SIRT1: variants seen among roughly 807,000 people sequenced by gnomAD.
SIRT1 encodes NAD-dependent protein deacetylase sirtuin-1.
In SIRT1, 24 loss-of-function variants were observed where a neutral mutation model predicts 67.9. The observed-to-expected ratio is 0.35, with a 90% CI of 0.26 to 0.50. The LOEUF (loss-of-function observed/expected upper bound fraction) is 0.50, where lower values mean the gene tolerates loss of function less well. SIRT1 is among the 20% of genes least tolerant of loss of function. The pLI, the probability that SIRT1 is intolerant of heterozygous loss-of-function variation, is 0.98. For synonymous variants in SIRT1, 378 were observed against 350.7 expected (o/e 1.08, Z -0.87); for missense variants, 873 against 937.2 (o/e 0.93, Z 0.89).
chr10:67,916,804 A>ATTT lies in SIRT1; in HGVS notation c.*211_*212insTTT, dbSNP rs1554892497. ...CTCAACACTAACTTTTTTTTTTTTA[A>ATTT]AAAAAAAAAGGTACTAAGTATCTTC... On this transcript the variant is annotated 3_prime_UTR_variant, in exon 9 of 9. Coordinates refer to ENST00000212015, the MANE Select transcript of SIRT1 (RefSeq NM_012238.5). 1,590 of 281,758 alleles carry ATTT rather than the reference A, an allele frequency of 5.6e-3. 18 individuals are homozygous for ATTT. Among genetic ancestry groups the ATTT allele is most frequent in the Admixed American group, 9.0e-3 (178 of 19,798 alleles). The allele number at this position is 281,758 out of a possible 1,614,324, so 17.5% of individuals were successfully genotyped here.
chr10:67,899,371 C>T (rs1029026030), intron 4 of SIRT1, among the ~76,000 whole-genome samples: 3 of 150,710 alleles, frequency 2.0e-5, no homozygotes, highest in Admixed American at 6.6e-5. Flanking sequence ...TCTCTGATAC[C>T]CAGACGTGTG....
rs1434237025 is a variant in SIRT1, at chr10:67,896,018, G to A, written c.942+4464G>A. 3.3e-5 allele frequency among the ~76,000 whole-genome samples: 5 copies of A among 152,212 alleles called. No homozygotes were observed. In the East Asian group the frequency reaches 7.7e-4, roughly 24 times the overall value. On this transcript the variant is annotated intron_variant, in intron 4 of 8. Coordinates refer to ENST00000212015, the MANE Select transcript of SIRT1 (RefSeq NM_012238.5). ...AGGCCAAAGTGCTGGGATTACAGGC[G>A]TGAGTCTCCCACGCCCAGCCCTTAA...
rs1465739818 is a variant in SIRT1, at chr10:67,885,058, G to A, written c.337G>A (p.Glu113Lys). The A allele has an allele frequency of 7.0e-7, 1 of 1,432,910 alleles. No homozygotes were observed. The highest frequency in any genetic ancestry group is 9.2e-7 in the Non-Finnish European group (1 of 1,085,686). 88.8% of individuals were successfully genotyped at this position (1,432,910 alleles called of 1,614,324 possible). Residue 113 changes from glutamate (E) to lysine (K), a missense_variant, in exon 1 of 9, where the codon GAG becomes AAG. Physicochemically the swap from Glu to Lys is moderately conservative, Grantham distance 56. Transcript: ENST00000212015. ...GCCGGGCCTGCAGGGCCCATCTCGG[G>A]AGCCACCGCTGGCCGACAACTTGTA... ...NGPGLQGPSR[E>K]PPLADNLYDE...
At position 67,916,653 on chromosome 10, in the gene SIRT1, A is replaced by G. The variant is rs2029923186; in HGVS notation, c.*60A>G. 4.3e-6 allele frequency: 6 copies of G among 1,400,934 alleles called. No individual in the cohort carries two copies. The highest frequency in any genetic ancestry group is 4.1e-5 in the Admixed American group (2 of 48,906). The allele number at this position is 1,400,934 out of a possible 1,614,324, so 86.8% of individuals were successfully genotyped here. ...CAGCATTAGGAACTTTAGCATGTCAAAATGAATGTTTACTTGTGAACTCGA... is the reference window on the plus strand; with the variant it reads ...CAGCATTAGGAACTTTAGCATGTCAGAATGAATGTTTACTTGTGAACTCGA... On this transcript the variant is annotated 3_prime_UTR_variant, in exon 9 of 9. Coordinates refer to ENST00000212015, the MANE Select transcript of SIRT1 (RefSeq NM_012238.5).
In SIRT1 at chr10:67,909,251, T is replaced by C. The variant is rs750931950; in HGVS notation, c.1171-5T>C. The C allele has an allele frequency of 1.3e-5, 20 of 1,578,670 alleles. No individual in the cohort carries two copies. The highest frequency in any genetic ancestry group is 3.8e-5 in the Admixed American group (2 of 52,312). Reference sequence around the variant, plus strand: ...CTACCTCAACCAAAATCTGAAAATATGTAGGTAGTTCCTCGATGTCCTAGG... The same window carrying C: ...CTACCTCAACCAAAATCTGAAAATACGTAGGTAGTTCCTCGATGTCCTAGG... On this transcript the variant is annotated splice_region_variant and splice_polypyrimidine_tract_variant and intron_variant, in intron 6 of 8. Coordinates refer to ENST00000212015, the MANE Select transcript of SIRT1 (RefSeq NM_012238.5).
chr10:67,899,369 A>T (rs981440595), intron 4 of SIRT1, among the ~76,000 whole-genome samples: 5 of 151,468 alleles, frequency 3.3e-5, no homozygotes, highest in Non-Finnish European at 5.9e-5. Flanking sequence ...TGTCTCTGAT[A>T]CCCAGACGTG....
chr10:67,912,365 A>G (rs1187165088), intron 7 of SIRT1, 109 bp from the exon 8 acceptor site: 5 of 980,756 alleles, frequency 5.1e-6, no homozygotes, highest in Non-Finnish European at 7.5e-6. Context: ...CTTTTTTGGG[A>G]ATTTGGAGCT....
At chr10:67,888,556 G>A (rs746898562) in intron 2 of SIRT1, among the ~76,000 whole-genome samples, 4 of 152,130 alleles carry the variant, frequency 2.6e-5, no homozygotes, top group South Asian at 4.1e-4. Context: ...TTTCTATGTC[G>A]TAGAACCCTT....
chr10:67,904,825 A>G (rs1219117543), intron 4 of SIRT1, among the ~76,000 whole-genome samples: 1 of 147,454 alleles, frequency 6.8e-6, no homozygotes, highest in Non-Finnish European at 1.5e-5. Flanking sequence ...GCCTGGGCAA[A>G]AAGAGCGAAA....
rs1478441538 is a variant in SIRT1 at position 67,895,095 on chromosome 10, T to G, written c.942+3541T>G. Among the ~76,000 whole-genome samples the G allele has an allele frequency of 2.6e-5, 4 of 152,098 alleles. No homozygotes were observed. In the East Asian group the frequency reaches 7.7e-4, roughly 29 times the overall value. The stretch of plus-strand genomic sequence containing the variant: ...TCACATATAATTCTTTGTCCATCCT[T>G]TAATTCTCACATTGGGAACTGACTA... On this transcript the variant is annotated intron_variant, in intron 4 of 8. Coordinates refer to ENST00000212015, the MANE Select transcript of SIRT1 (RefSeq NM_012238.5).
chr10:67,906,718 T>C, intron 4 of SIRT1, 72 bp from the exon 5 acceptor site: 1 of 1,431,220 alleles, frequency 7.0e-7, no homozygotes, highest in Non-Finnish European at 9.6e-7. Flanking sequence ...TATCAGTATT[T>C]TTTTGTTAAA....
intron 4 of SIRT1, among the ~76,000 whole-genome samples, chr10:67,899,223 A>G (rs1564887717): frequency 1.3e-5 from 2 of 151,924 alleles, no homozygotes; most frequent in Non-Finnish European, 2.9e-5. Context: ...TTTGGGATTT[A>G]GCTGATTTGG....
intron 1 of SIRT1, among the ~76,000 whole-genome samples, chr10:67,886,555 CAA>C (rs34780303): frequency 0.013 from 1,302 of 97,842 alleles, 12 homozygotes; most frequent in African/African-American, 0.042. Flanking sequence ...GACCCCGTCT[CAA>C]AAAAAAAAAA....
At chr10:67,902,286 G>A (rs1436068641) in intron 4 of SIRT1, among the ~76,000 whole-genome samples, 1 of 152,186 alleles carries the variant, frequency 6.6e-6, no homozygotes, top group Admixed American at 6.5e-5. Flanking sequence ...ACCGCGCCCG[G>A]CTACAATATG....
At chr10:67,914,489 C>T (rs1033809629) in intron 8 of SIRT1, among the ~76,000 whole-genome samples, 3 of 152,092 alleles carry the variant, frequency 2.0e-5, no homozygotes, top group Admixed American at 6.6e-5. Context: ...CTAGAAAAAG[C>T]ATAGAGGGAT....
chr10:67,902,153 T>G (rs1346681463), intron 4 of SIRT1, among the ~76,000 whole-genome samples: 1 of 152,152 alleles, frequency 6.6e-6, no homozygotes, highest in Non-Finnish European at 1.5e-5. Flanking sequence ...CACGCCCGGC[T>G]AGTTATTGTA....
In SIRT1 at chr10:67,889,057, T is replaced by C; in HGVS notation, c.723T>C (p.Asn241=). The change falls in exon 3 of 9, where the codon AAT becomes AAC. Residue 241 remains asparagine (N), a synonymous_variant. Transcript: ENST00000212015. ...AAAGGAAAAAAAGAAAAGATATTAA[T>C]ACAATTGAAGATGCTGTGAAATTAC... ...PPKRKKRKDI[N]TIEDAVKLLQ... The C allele has an allele frequency of 6.2e-7, 1 of 1,611,480 alleles. No individual in the cohort carries two copies. The highest frequency in any genetic ancestry group is 2.2e-5 in the East Asian group (1 of 44,854).
chr10:67,905,640 A>C (rs2131878296), intron 4 of SIRT1, among the ~76,000 whole-genome samples: 1 of 152,326 alleles, frequency 6.6e-6, no homozygotes, highest in East Asian at 1.9e-4. Context: ...ATAATGTCAG[A>C]AGTGAAAGTT....
intron 1 of SIRT1, among the ~76,000 whole-genome samples, chr10:67,886,742 C>T (rs1842488187): frequency 6.6e-6 from 1 of 151,842 alleles, no homozygotes; most frequent in Admixed American, 6.6e-5. Flanking sequence ...GTTTAACGTG[C>T]GCATTGCCAA....
Sources: gnomAD v4.1 joint callset for allele counts (sites outside exome capture counted in the v4.1 genomes callset) on GRCh38, gnomAD v4.1.1 for gene constraint, MANE v1.5 for transcripts, NCBI Gene and HGNC (gene_info 2026-07-23, HGNC 2026-07-21) for gene names.